The following CNTNAP4 variants were observed in gnomAD, a reference collection of about 807,000 sequenced individuals.
The protein encoded by CNTNAP4 is contactin associated protein family member 4.
CNTNAP4 carries 98 observed loss-of-function variants against 148.4 expected under a neutral mutation model. The ratio of observed to expected loss-of-function variants is 0.66; its 90% CI spans 0.56 to 0.78. The LOEUF is 0.78. Ranked by LOEUF, CNTNAP4 falls within the 30% of genes least tolerant of loss-of-function variation. The probability of loss-of-function intolerance (pLI) is 0.00; values close to 1 mark genes in which losing one functional copy is unlikely to be tolerated. For missense variants in CNTNAP4, 1,935 were observed against 1,565.6 expected, an observed-to-expected ratio of 1.24 and a Z score of -3.98; for synonymous variants, 730 against 565.1, an observed-to-expected ratio of 1.29 and a Z score of -4.14.
At chr16:76,297,883 C>T (rs1597112752) in intron 1 of CNTNAP4, among the ~76,000 whole-genome samples, 1 of 152,264 alleles carries the variant, frequency 6.6e-6, no homozygotes, top group South Asian at 2.1e-4. Context: ...AAACCAGATA[C>T]TAAATTAGAA....
chr16:76,304,342 C>T (rs1323879513), intron 1 of CNTNAP4, among the ~76,000 whole-genome samples: 1 of 152,072 alleles, frequency 6.6e-6, no homozygotes, highest in East Asian at 1.9e-4. Context: ...ATTGATCTTC[C>T]AGTCACTTAA....
intron 13 of CNTNAP4, among the ~76,000 whole-genome samples, chr16:76,490,196 G>T (rs960525664): frequency 1.3e-5 from 2 of 152,178 alleles, no homozygotes; most frequent in African/African-American, 4.8e-5. Flanking sequence ...GTTTATCCCT[G>T]ATAAAGGGCA....
At chr16:76,551,814 T>C (rs575482767) in intron 21 of CNTNAP4, among the ~76,000 whole-genome samples, 1 of 152,322 alleles carries the variant, frequency 6.6e-6, no homozygotes, top group Admixed American at 6.5e-5. Context: ...TAACTTAACT[T>C]CCTGGGAACG....
rs146953050 is a variant in CNTNAP4, at chr16:76,405,445, T to C, written c.391-22007T>C. Among the ~76,000 whole-genome samples the C allele has an allele frequency of 4.1e-3, 625 of 152,312 alleles. 6 individuals carry two copies. Among genetic ancestry groups the C allele is most frequent in the African/African-American group, 0.014 (602 of 41,576 alleles). On this transcript the variant is annotated intron_variant, in intron 3 of 23. Coordinates refer to ENST00000611870, the MANE Select transcript of CNTNAP4 (RefSeq NM_033401.5). ...TGGAAAATTCATGTATAACCTTTGA[T>C]ACCCCAAAAAGGTAACTGCTAATAG...
intron 4 of CNTNAP4, among the ~76,000 whole-genome samples, chr16:76,437,943 G>A (rs61158265): frequency 6.6e-6 from 1 of 152,046 alleles, no homozygotes; most frequent in Non-Finnish European, 1.5e-5. Flanking sequence ...AATTATAAGT[G>A]TTAAATAAAA....
intron 9 of CNTNAP4, among the ~76,000 whole-genome samples, chr16:76,464,276 CT>C: frequency 6.6e-6 from 1 of 152,232 alleles, no homozygotes; most frequent in African/African-American, 2.4e-5. Context: ...CTTGTGAGGC[CT>C]TTTGGTACCA....
At chr16:76,403,628 A>G (rs760249450) in intron 3 of CNTNAP4, among the ~76,000 whole-genome samples, 25 of 152,192 alleles carry the variant, frequency 1.6e-4, no homozygotes, top group Non-Finnish European at 2.5e-4. Context: ...CATTGTGGAA[A>G]ACAGTATGGC....
chr16:76,449,909 C>G (rs1416357272), intron 7 of CNTNAP4, 51 bp downstream of exon 7: 11 of 1,492,602 alleles, frequency 7.4e-6, no homozygotes, highest in Non-Finnish European at 9.9e-6. Flanking sequence ...CTTTTTTCCA[C>G]ACAGTAAAAT....
intron 3 of CNTNAP4, among the ~76,000 whole-genome samples, chr16:76,425,424 T>A (rs2079352146): frequency 6.6e-6 from 1 of 152,204 alleles, no homozygotes; most frequent in Non-Finnish European, 1.5e-5. Context: ...AGAACCACTT[T>A]GAGCTGAACA....
chr16:76,417,233 T>G (rs1316957574), intron 3 of CNTNAP4, among the ~76,000 whole-genome samples: 1 of 151,514 alleles, frequency 6.6e-6, no homozygotes, highest in Non-Finnish European at 1.5e-5. Flanking sequence ...AATTAATATG[T>G]ATCATGCTTT....
chr16:76,300,552 A>C (rs1016504663), intron 1 of CNTNAP4, among the ~76,000 whole-genome samples: 2 of 152,220 alleles, frequency 1.3e-5, no homozygotes, highest in African/African-American at 4.8e-5. Flanking sequence ...TATAATCAAA[A>C]ATTATAAATT....
chr16:76,305,959 C>G (rs1960435948), intron 1 of CNTNAP4, among the ~76,000 whole-genome samples: 1 of 152,162 alleles, frequency 6.6e-6, no homozygotes, highest in South Asian at 2.1e-4. Flanking sequence ...TGGCTTCCAG[C>G]TTCATCTGTG....
chr16:76,310,392 G>A (rs921908965), intron 1 of CNTNAP4, among the ~76,000 whole-genome samples: 1 of 152,050 alleles, frequency 6.6e-6, no homozygotes, highest in African/African-American at 2.4e-5. Context: ...ATATGTTGAT[G>A]ATTTCTAATT....
At chr16:76,535,376 A>G (rs1480169226) in intron 17 of CNTNAP4, among the ~76,000 whole-genome samples, 169 bp from the exon 18 acceptor site, 2 of 152,208 alleles carry the variant, frequency 1.3e-5, no homozygotes, top group African/African-American at 4.8e-5. Flanking sequence ...ATTGAATTAA[A>G]GTTGTATCTT....
At chr16:76,486,780 A>C (rs2082045752) in intron 12 of CNTNAP4, among the ~76,000 whole-genome samples, 1 of 152,174 alleles carries the variant, frequency 6.6e-6, no homozygotes, top group African/African-American at 2.4e-5. Context: ...GGAGGGAAGG[A>C]GGAGAGAGTG....
rs146537266 is a variant in CNTNAP4, at chr16:76,462,017, G to T, written c.1395G>T (p.Leu465Phe). ...CTTTATCTGCTAAAAAGAATCACTTGAGTGTGGCGGTGGACGGCCAGATGG... is the reference window on the plus strand; with the variant it reads ...CTTTATCTGCTAAAAAGAATCACTTTAGTGTGGCGGTGGACGGCCAGATGG... ...SVSLSAKKNH[L>F]SVAVDGQMAS... Residue 465 changes from leucine to phenylalanine, a missense_variant, in exon 9 of 24, where the codon TTG (leucine) becomes TTT (phenylalanine). Leu to Phe is a conservative substitution (Grantham distance 22). Coordinates refer to ENST00000611870, the MANE Select transcript of CNTNAP4 (RefSeq NM_033401.5). 7 of 1,613,862 alleles carry T rather than the reference G, an allele frequency of 4.3e-6. No individual in the cohort carries two copies. Among genetic ancestry groups the T allele is most frequent in the Non-Finnish European group, 5.9e-6 (7 of 1,179,820 alleles).
At chr16:76,527,057 C>T (rs1033016073) in intron 17 of CNTNAP4, among the ~76,000 whole-genome samples, 1 of 152,124 alleles carries the variant, frequency 6.6e-6, no homozygotes, top group South Asian at 2.1e-4. Flanking sequence ...TGTTTCCTGG[C>T]TCCACAATCC....
chr16:76,420,841 T>C lies in CNTNAP4; in HGVS notation c.391-6611T>C, dbSNP rs181301665. On this transcript the variant is annotated intron_variant, in intron 3 of 23. Transcript: ENST00000611870. ...AATATTTTATTATATTTTTATCTCT[T>C]CAACTTTTTTTTTATTCCAAAAGGA... Among the ~76,000 whole-genome samples, 391 of 152,170 alleles carry C rather than the reference T, an allele frequency of 2.6e-3. 1 individual carries two copies. The highest frequency in any genetic ancestry group is 8.6e-3 in the African/African-American group (357 of 41,556).
intron 17 of CNTNAP4, among the ~76,000 whole-genome samples, chr16:76,522,725 T>C (rs866656178): frequency 0.032 from 2,524 of 78,892 alleles, 281 homozygotes; most frequent in Non-Finnish European, 0.038. Flanking sequence ...TCTTTTCTTT[T>C]CTTTTCTTTT....
Sources: gnomAD v4.1 joint callset for allele counts (sites outside exome capture counted in the v4.1 genomes callset) on GRCh38, gnomAD v4.1.1 for gene constraint, MANE v1.5 for transcripts, NCBI Gene and HGNC (gene_info 2026-07-23, HGNC 2026-07-21) for gene names.